The following FILIP1 variants were observed in gnomAD, a reference collection of about 807,000 sequenced individuals.
FILIP1 encodes the protein filamin A interacting protein 1, also known as filamin-A-interacting protein 1.
In FILIP1, 61 loss-of-function variants were observed where a neutral mutation model predicts 102.1. The ratio of observed to expected loss-of-function variants is 0.60; its 90% confidence interval spans 0.49 to 0.74. FILIP1 has a LOEUF of 0.74. Among genes scored for constraint, FILIP1 ranks in the 30% least tolerant of loss-of-function variants. The probability of loss-of-function intolerance (pLI) is 0.00; values close to 1 mark genes in which losing one functional copy is unlikely to be tolerated. For missense variants in FILIP1, 1,314 were observed against 1,441.2 expected (o/e 0.91, Z 1.43); for synonymous variants, 491 against 526.9 (o/e 0.93, Z 0.93).
intron 6 of FILIP1, among the ~76,000 whole-genome samples, chr6:75,301,469 C>T (rs1470604177): frequency 6.6e-6 from 1 of 152,070 alleles, no homozygotes. Context: ...GGGTTTGTTG[C>T]TGTTTGTCTT....
intron 1 of FILIP1, among the ~76,000 whole-genome samples, chr6:75,484,426 TTTAAAGTA>T (rs1779728458): frequency 6.6e-6 from 1 of 150,682 alleles, no homozygotes; most frequent in Non-Finnish European, 1.5e-5. Context: ...AGTACTGTCT[TTTAAAGTA>T]CTTTTAAAGT....
chr6:75,476,758 C>A (rs1382658385), intron 1 of FILIP1, among the ~76,000 whole-genome samples: 1 of 152,162 alleles, frequency 6.6e-6, no homozygotes, highest in Non-Finnish European at 1.5e-5. Context: ...ACCATGTTCT[C>A]CCTGTTTCTG....
chr6:75,340,039 G>A (rs1393363687), intron 4 of FILIP1, among the ~76,000 whole-genome samples: 1 of 151,808 alleles, frequency 6.6e-6, no homozygotes, highest in East Asian at 1.9e-4. Context: ...TAGAAATATA[G>A]CAATAAACTT....
At chr6:75,298,437 A>G (rs2842464) in intron 6 of FILIP1, among the ~76,000 whole-genome samples, 19 of 151,536 alleles carry the variant, frequency 1.3e-4, no homozygotes, top group African/African-American at 4.1e-4. Context: ...TATGGAGACC[A>G]ACTTCATTTT....
chr6:75,419,036 T>C (rs1777364188), intron 1 of FILIP1, among the ~76,000 whole-genome samples: 1 of 151,324 alleles, frequency 6.6e-6, no homozygotes, highest in Non-Finnish European at 1.5e-5. Context: ...TGCCAGAGCA[T>C]ACTGTCAGAT....
Position 75,362,768 on chromosome 6 carries a change from A to T in FILIP1, c.426T>A (p.Asp142Glu), listed in dbSNP as rs1390939631. 6.2e-7 allele frequency: 1 copy of T among 1,613,370 alleles called. No homozygotes were observed. Among genetic ancestry groups the T allele is most frequent in the African/African-American group, 1.3e-5 (1 of 74,844 alleles). ...CCTCTGAAATCGGTTTCTCATAGAC[A>T]TCTTCTCCTATGGATTTCTCCTGGG... ...ILAQEKSIGEDVYEKPISELD... is the reference protein window; with the variant it reads ...ILAQEKSIGEEVYEKPISELD... The change falls in exon 3 of 6, where the codon GAT (aspartate) becomes GAA (glutamate). Residue 142 changes from aspartate to glutamate, a missense_variant. Asp to Glu is a conservative substitution (Grantham distance 45). Transcript: ENST00000237172.
intron 1 of FILIP1, among the ~76,000 whole-genome samples, chr6:75,441,088 TG>T (rs1341504166): frequency 1.3e-5 from 2 of 150,430 alleles, no homozygotes; most frequent in African/African-American, 4.9e-5. Flanking sequence ...GATAAACAAG[TG>T]AACAAAGGTC....
At chr6:75,441,605 G>A (rs1267404660) in intron 1 of FILIP1, among the ~76,000 whole-genome samples, 1 of 149,846 alleles carries the variant, frequency 6.7e-6, no homozygotes, top group Non-Finnish European at 1.5e-5. Flanking sequence ...TGGCCGGGCA[G>A]GGGGCTGACC....
intron 4 of FILIP1, among the ~76,000 whole-genome samples, chr6:75,324,341 T>C (rs1373504201): frequency 4.7e-5 from 2 of 42,836 alleles, no homozygotes; most frequent in Admixed American, 4.6e-4. Flanking sequence ...GAAATATACC[T>C]AACCAAAAAA....
chr6:75,302,786 G>C (rs147669467), intron 6 of FILIP1, among the ~76,000 whole-genome samples: 1 of 151,396 alleles, frequency 6.6e-6, no homozygotes, highest in Admixed American at 6.6e-5. Flanking sequence ...ACTTTTGGGC[G>C]GTTTTCAAAT....
At chr6:75,468,447 C>G (rs946657822) in intron 1 of FILIP1, among the ~76,000 whole-genome samples, 6 of 152,146 alleles carry the variant, frequency 3.9e-5, no homozygotes, top group African/African-American at 1.4e-4. Context: ...AGAAAATAAT[C>G]AATTAGAAAG....
intron 4 of FILIP1, among the ~76,000 whole-genome samples, chr6:75,327,889 G>A (rs1022808059): frequency 2.1e-4 from 32 of 151,878 alleles, no homozygotes; most frequent in Admixed American, 5.9e-4. Context: ...CTCCACCCAC[G>A]AAAGATTCTC....
At chr6:75,348,776 C>T (rs970668219) in intron 4 of FILIP1, among the ~76,000 whole-genome samples, 3 of 152,178 alleles carry the variant, frequency 2.0e-5, no homozygotes, top group Non-Finnish European at 4.4e-5. Context: ...ACTGTGTATG[C>T]TATTCAGATT....
At chr6:75,448,622 G>A (rs1055023843) in intron 1 of FILIP1, among the ~76,000 whole-genome samples, 2 of 152,008 alleles carry the variant, frequency 1.3e-5, no homozygotes, top group African/African-American at 4.8e-5. Flanking sequence ...GAACCAATAT[G>A]CAGAATCTAC....
rs553812668 is a variant in FILIP1, at chr6:75,437,973, G to C, written c.-6-22995C>G. ...TGAAAATAAATAATTTTAAAAGAAAGATTTTAAAGACAAGGCCCTGTGTAT... is the reference window on the plus strand; with the variant it reads ...TGAAAATAAATAATTTTAAAAGAAACATTTTAAAGACAAGGCCCTGTGTAT... On this transcript the variant is annotated intron_variant, in intron 1 of 5. Transcript: ENST00000237172. 3.3e-5 allele frequency among the ~76,000 whole-genome samples: 5 copies of C among 152,276 alleles called. No individual in the cohort carries two copies. The East Asian group carries it at 9.6e-4, about 29-fold the overall frequency.
chr6:75,306,228 T>C (rs182939819), downstream of FILIP1, among the ~76,000 whole-genome samples: 2 of 152,292 alleles, frequency 1.3e-5, no homozygotes, highest in Admixed American at 6.5e-5. Flanking sequence ...CAGTTGTACT[T>C]TGTGGGTGGC....
intron 2 of FILIP1, among the ~76,000 whole-genome samples, chr6:75,372,926 G>T (rs368312067): frequency 6.6e-6 from 1 of 152,054 alleles, no homozygotes; most frequent in African/African-American, 2.4e-5. Context: ...ATTAAAAGTA[G>T]ATTACCATAT....
chr6:75,317,413 T>G (rs527680860), intron 4 of FILIP1, among the ~76,000 whole-genome samples: 1 of 152,346 alleles, frequency 6.6e-6, no homozygotes, highest in Non-Finnish European at 1.5e-5. Context: ...GACAGATACA[T>G]AGACTCAATA....
chr6:75,433,761 T>C (rs901424763), intron 1 of FILIP1, among the ~76,000 whole-genome samples: 2 of 152,166 alleles, frequency 1.3e-5, no homozygotes, highest in Admixed American at 6.5e-5. Context: ...GAAGTCCTTG[T>C]CCATGCCTAT....
Sources: allele counts gnomAD v4.1 joint callset (sites outside exome capture counted in the v4.1 genomes callset), GRCh38; gene constraint gnomAD v4.1.1; transcripts MANE v1.5; gene names NCBI Gene and HGNC (gene_info 2026-07-23, HGNC 2026-07-21).